Variants in PARD3 observed in about 807,000 individuals in gnomAD.
PARD3 encodes the protein partitioning defective 3 homolog.
In PARD3, 75 loss-of-function variants were observed where a neutral mutation model predicts 155.4. The ratio of observed to expected loss-of-function variants is 0.48; its 90% CI spans 0.40 to 0.58. PARD3 has a LOEUF of 0.58. PARD3 is among the 20% of genes least tolerant of loss of function. The pLI is 0.00. For missense variants in PARD3, 1,642 were observed against 1,721.7 expected, an observed-to-expected ratio of 0.95 and a Z score of 0.82; for synonymous variants, 576 against 610.5, an observed-to-expected ratio of 0.94 and a Z score of 0.83.
At chr10:34,683,725 G>A (rs2093891230) in intron 2 of PARD3, among the ~76,000 whole-genome samples, 1 of 152,008 alleles carries the variant, frequency 6.6e-6, no homozygotes, top group Admixed American at 6.6e-5. Flanking sequence ...ATCCTGTGCA[G>A]GCTGACCCCA....
chr10:34,713,344 T>C (rs944636536), intron 1 of PARD3, among the ~76,000 whole-genome samples: 1 of 151,996 alleles, frequency 6.6e-6, no homozygotes, highest in Non-Finnish European at 1.5e-5. Context: ...CACCAGGTAA[T>C]ATGCTAGACT....
chr10:34,246,189 T>G (rs560213580), intron 22 of PARD3, among the ~76,000 whole-genome samples: 1 of 152,258 alleles, frequency 6.6e-6, no homozygotes, highest in East Asian at 1.9e-4. Flanking sequence ...AGAGTAAGAA[T>G]GAGGTAAAGA....
chr10:34,323,781 T>G (rs1211147968), intron 19 of PARD3, among the ~76,000 whole-genome samples: 1 of 152,212 alleles, frequency 6.6e-6, no homozygotes, highest in Non-Finnish European at 1.5e-5. Flanking sequence ...TAGACAATGT[T>G]GCAGAGCAGG....
intron 22 of PARD3, among the ~76,000 whole-genome samples, chr10:34,155,089 C>T (rs1401087254): frequency 6.6e-5 from 10 of 152,068 alleles, no homozygotes; most frequent in Non-Finnish European, 5.9e-5. Context: ...TGGTACAGAC[C>T]AGGCCAGATG....
intron 5 of PARD3, among the ~76,000 whole-genome samples, chr10:34,430,134 A>C (rs900077031): frequency 2.0e-5 from 3 of 152,266 alleles, no homozygotes; most frequent in Non-Finnish European, 2.9e-5. Context: ...ATTTGAGTAC[A>C]ATCTGAGAAT....
At chr10:34,306,055 A>G (rs976778560) in intron 20 of PARD3, among the ~76,000 whole-genome samples, 3 of 152,066 alleles carry the variant, frequency 2.0e-5, no homozygotes, top group African/African-American at 7.2e-5. Flanking sequence ...GCACTTTGAG[A>G]GGCACAGGTG....
At chr10:34,404,201 T>G (rs1286712120) in intron 5 of PARD3, among the ~76,000 whole-genome samples, 5 of 152,206 alleles carry the variant, frequency 3.3e-5, no homozygotes, top group African/African-American at 1.2e-4. Context: ...ATTTTCCCAA[T>G]ATTTGGATGT....
At chr10:34,509,961 T>TC (rs1169860772) in intron 3 of PARD3, among the ~76,000 whole-genome samples, 1 of 152,208 alleles carries the variant, frequency 6.6e-6, no homozygotes, top group African/African-American at 2.4e-5. Context: ...AGTTTCTAGA[T>TC]CCCTCCTTTC....
chr10:34,349,565 G>A (rs762256590), intron 14 of PARD3, among the ~76,000 whole-genome samples: 48 of 64,904 alleles, frequency 7.4e-4, no homozygotes, highest in Non-Finnish European at 6.1e-4. Flanking sequence ...TAAATTCCAA[G>A]AGACTCTGGG....
chr10:34,690,720 G>T (rs752566641), intron 2 of PARD3, among the ~76,000 whole-genome samples: 2 of 152,154 alleles, frequency 1.3e-5, no homozygotes, highest in Non-Finnish European at 2.9e-5. Flanking sequence ...AAGGTGTAAA[G>T]AAGGATGGCA....
At chr10:34,425,842 T>C (rs964984389) in intron 5 of PARD3, among the ~76,000 whole-genome samples, 1 of 152,222 alleles carries the variant, frequency 6.6e-6, no homozygotes, top group Non-Finnish European at 1.5e-5. Flanking sequence ...CCAAAGCAGC[T>C]TTAGTGTTTT....
At chr10:34,577,595 TTCTG>T (rs1241572123) in intron 2 of PARD3, among the ~76,000 whole-genome samples, 1 of 152,222 alleles carries the variant, frequency 6.6e-6, no homozygotes, top group East Asian at 1.9e-4. Flanking sequence ...ACACCTTTCC[TTCTG>T]TCTAAATCCA....
At position 34,511,010 on chromosome 10, in the gene PARD3, A is replaced by C. The variant is rs2081366403; in HGVS notation, c.403+5969T>G. On this transcript the variant is annotated intron_variant, in intron 3 of 24. Transcript: ENST00000374788. ...TTAAATCAGGATTTAAATAAGATCC[A>C]GACATTATGATTGGATGTTACATCT... 2.0e-5 allele frequency among the ~76,000 whole-genome samples: 3 copies of C among 152,208 alleles called. No homozygotes were observed. In the South Asian group the frequency reaches 6.2e-4, roughly 32 times the overall value.
intron 12 of PARD3, among the ~76,000 whole-genome samples, chr10:34,365,305 T>TA (rs1839853613): frequency 6.6e-6 from 1 of 152,248 alleles, no homozygotes; most frequent in Non-Finnish European, 1.5e-5. Context: ...ATTCAGCTAA[T>TA]AAAGTGTCTT....
intron 20 of PARD3, among the ~76,000 whole-genome samples, chr10:34,310,993 T>C (rs1957669856): frequency 6.6e-6 from 1 of 152,232 alleles, no homozygotes; most frequent in African/African-American, 2.4e-5. Flanking sequence ...CATCAGCAGA[T>C]TGCACAGGAT....
intron 5 of PARD3, among the ~76,000 whole-genome samples, chr10:34,431,314 T>C (rs116093609): frequency 8.0e-4 from 122 of 152,314 alleles, no homozygotes; most frequent in African/African-American, 2.8e-3. Flanking sequence ...TCTAGCATTG[T>C]AGGAATATCT....
At chr10:34,358,310 T>C (rs996156250) in intron 14 of PARD3, among the ~76,000 whole-genome samples, 1 of 152,188 alleles carries the variant, frequency 6.6e-6, no homozygotes, top group Non-Finnish European at 1.5e-5. Flanking sequence ...AAATAGATGA[T>C]CCTACCTTTC....
intron 5 of PARD3, among the ~76,000 whole-genome samples, chr10:34,421,535 C>T (rs944310413): frequency 1.3e-5 from 2 of 151,718 alleles, no homozygotes; most frequent in African/African-American, 4.8e-5. Context: ...TTGAAGTAAA[C>T]TTTGGGTCCG....
At chr10:34,691,701 G>A (rs1036250318) in intron 2 of PARD3, among the ~76,000 whole-genome samples, 2 of 152,136 alleles carry the variant, frequency 1.3e-5, no homozygotes, top group Non-Finnish European at 2.9e-5. Flanking sequence ...ACAGTACAAG[G>A]CTACAGTAAC....
Sources: allele counts gnomAD v4.1 joint callset (sites outside exome capture counted in the v4.1 genomes callset), GRCh38; gene constraint gnomAD v4.1.1; transcripts MANE v1.5; gene names NCBI Gene and HGNC (gene_info 2026-07-23, HGNC 2026-07-21).